Variants in DSCAM observed in about 807,000 individuals in gnomAD.
DSCAM encodes DS cell adhesion molecule, also known as cell adhesion molecule DSCAM.
In DSCAM, 47 loss-of-function variants were observed where a neutral mutation model predicts 217.7. The observed-to-expected ratio is 0.22, with a 90% confidence interval of 0.17 to 0.28. DSCAM has a LOEUF of 0.28. DSCAM is among the 10% of genes least tolerant of loss of function. The probability of loss-of-function intolerance (pLI) is 1.00; values close to 1 mark genes in which losing one functional copy is unlikely to be tolerated. For missense variants in DSCAM, 2,080 were observed against 2,618.3 expected, an observed-to-expected ratio of 0.79 and a Z score of 4.49; for synonymous variants, 1,056 against 1,015.3, an observed-to-expected ratio of 1.04 and a Z score of -0.76.
intron 32 of DSCAM, among the ~76,000 whole-genome samples, chr21:40,023,625 G>A (rs1473683160): frequency 1.1e-4 from 12 of 111,478 alleles, no homozygotes; most frequent in Admixed American, 4.0e-4. Flanking sequence ...GCCAGTGATG[G>A]TGAGCATTTT....
chr21:40,742,385 G>T (rs2091132822), intron 1 of DSCAM, among the ~76,000 whole-genome samples: 1 of 152,148 alleles, frequency 6.6e-6, no homozygotes, highest in Non-Finnish European at 1.5e-5. Flanking sequence ...GGAGAAAGGG[G>T]TCAGGAGCCA....
chr21:40,465,854 A>G (rs1333976667), intron 3 of DSCAM, among the ~76,000 whole-genome samples: 1 of 151,570 alleles, frequency 6.6e-6, no homozygotes, highest in East Asian at 1.9e-4. Context: ...TGTTCTGACA[A>G]CTTGTTTGAT....
At chr21:40,832,984 G>A (rs902634558) in intron 1 of DSCAM, among the ~76,000 whole-genome samples, 1 of 152,192 alleles carries the variant, frequency 6.6e-6, no homozygotes. Context: ...AACCTAAACT[G>A]TGTTATCAGA....
At chr21:40,597,125 C>G (rs1160984642) in intron 3 of DSCAM, among the ~76,000 whole-genome samples, 1 of 152,172 alleles carries the variant, frequency 6.6e-6, no homozygotes, top group Non-Finnish European at 1.5e-5. Flanking sequence ...TCTAATAAAA[C>G]ACACTCTCAA....
chr21:40,709,701 GGT>G lies in DSCAM; in HGVS notation c.44-932_44-931del, dbSNP rs2090757069. On this transcript the variant is annotated intron_variant, in intron 1 of 32. Transcript: ENST00000400454. Reference sequence around the variant, plus strand: ...TTTTTATGGCTGCATAGTATTCCATGGTGTGTATGTGCCACATTTTCTTTATC... The same window carrying G: ...TTTTTATGGCTGCATAGTATTCCATGGTGTATGTGCCACATTTTCTTTATC... Among the ~76,000 whole-genome samples, 7 of 152,264 alleles carry G rather than the reference GGT, an allele frequency of 4.6e-5. No individual in the cohort carries two copies. In the South Asian group the frequency reaches 1.2e-3, roughly 27 times the overall value.
At chr21:40,234,772 T>C (rs1402866424) in intron 11 of DSCAM, among the ~76,000 whole-genome samples, 3 of 152,184 alleles carry the variant, frequency 2.0e-5, no homozygotes, top group African/African-American at 7.2e-5. Context: ...TTTTTGCTGA[T>C]AGAACTTCAT....
At position 40,178,957 on chromosome 21, in the gene DSCAM, TGCTGGGCTC is replaced by T. The variant is rs1324786995; in HGVS notation, c.2908_2916del (p.Glu970_Ser972del). 1 of 1,613,884 alleles carries T rather than the reference TGCTGGGCTC, an allele frequency of 6.2e-7. No homozygotes were observed. Among genetic ancestry groups the T allele is most frequent in the African/African-American group, 1.3e-5 (1 of 74,900 alleles). ...TCGTCCGCCGTGATGGTGAGCTCGT[TGCTGGGCTC>T]GCTCTTGCCAATCCGGTTCTTGGCG... On this transcript the variant is annotated inframe_deletion, in exon 15 of 33. Transcript: ENST00000400454.
At chr21:40,072,588 T>A (rs920702489) in intron 27 of DSCAM, among the ~76,000 whole-genome samples, 3 of 152,024 alleles carry the variant, frequency 2.0e-5, no homozygotes, top group East Asian at 3.9e-4. Context: ...GACCTCGTGA[T>A]CCGCCCACCT....
chr21:40,634,691 G>C (rs999198010), intron 3 of DSCAM, among the ~76,000 whole-genome samples: 9 of 152,180 alleles, frequency 5.9e-5, no homozygotes, highest in African/African-American at 1.9e-4. Flanking sequence ...AAAGAAATGT[G>C]TGAACTTCAG....
At chr21:40,379,713 T>C (rs11910278) in intron 3 of DSCAM, among the ~76,000 whole-genome samples, 6,822 of 152,292 alleles carry the variant, frequency 0.045, 246 homozygotes, top group African/African-American at 0.1. Context: ...CCCACTTACC[T>C]GCTGCCCCCA....
At chr21:40,464,890 A>G (rs1483129498) in intron 3 of DSCAM, among the ~76,000 whole-genome samples, 1 of 151,804 alleles carries the variant, frequency 6.6e-6, no homozygotes. Context: ...ACAGGCACAC[A>G]TCACCATGCC....
chr21:40,058,032 T>C (rs10470191), intron 28 of DSCAM, among the ~76,000 whole-genome samples: 73,914 of 151,664 alleles, frequency 0.49, 19,015 homozygotes, highest in African/African-American at 0.64. Context: ...CCCACCACCA[T>C]GTCTGGCTTT....
At chr21:40,236,567 C>T (rs372997768) in intron 11 of DSCAM, among the ~76,000 whole-genome samples, 20 of 152,248 alleles carry the variant, frequency 1.3e-4, no homozygotes, top group East Asian at 5.8e-4. Context: ...GAGCACATGA[C>T]GGGTTTTGAG....
At chr21:40,318,569 G>A (rs1025127559) in intron 8 of DSCAM, among the ~76,000 whole-genome samples, 1 of 152,142 alleles carries the variant, frequency 6.6e-6, no homozygotes, top group African/African-American at 2.4e-5. Flanking sequence ...CGCCAACTCT[G>A]AATTGCTATG....
chr21:40,671,692 CAA>C (rs71330402), intron 3 of DSCAM, among the ~76,000 whole-genome samples: 19 of 108,948 alleles, frequency 1.7e-4, no homozygotes, highest in Non-Finnish European at 2.0e-4. Context: ...ATTCCTTAAA[CAA>C]AAAAAAAAAA....
chr21:40,092,869 C>T (rs559835318), intron 21 of DSCAM, among the ~76,000 whole-genome samples: 1 of 152,258 alleles, frequency 6.6e-6, no homozygotes, highest in Admixed American at 6.5e-5. Context: ...TGTGACACCC[C>T]TCTTTTTTCC....
Position 40,075,173 on chromosome 21 carries a change from T to A in DSCAM, c.4752A>T (p.Glu1584Asp), listed in dbSNP as rs1432052387. 1.2e-6 allele frequency: 2 copies of A among 1,614,198 alleles called. No individual in the cohort carries two copies. The highest frequency in any genetic ancestry group is 1.6e-4 in the Middle Eastern group (1 of 6,062). The change falls in exon 27 of 33, where the codon GAA becomes GAT. Residue 1584 changes from glutamate to aspartate, a missense_variant. Transcript: ENST00000400454. The stretch of plus-strand genomic sequence containing the variant: ...GCCCCTCGTTGGTCGTCAGCCCTTC[T>A]TCGTTTTGGACAACTGACTTAATGA... ...PPLIKSVVQN[E>D]EGLTTNEGLK...
intron 16 of DSCAM, among the ~76,000 whole-genome samples, chr21:40,160,845 C>T (rs1329425968): frequency 1.3e-5 from 2 of 152,170 alleles, no homozygotes; most frequent in Non-Finnish European, 2.9e-5. Flanking sequence ...CATCCAGACT[C>T]AACGTGAAAC....
At chr21:40,590,943 T>C (rs1025443924) in intron 3 of DSCAM, among the ~76,000 whole-genome samples, 1 of 152,104 alleles carries the variant, frequency 6.6e-6, no homozygotes, top group Non-Finnish European at 1.5e-5. Context: ...ATTGATATGG[T>C]TTGGCCGTGT....
Sources: gnomAD v4.1 joint callset for allele counts (sites outside exome capture counted in the v4.1 genomes callset) on GRCh38, gnomAD v4.1.1 for gene constraint, MANE v1.5 for transcripts, NCBI Gene and HGNC (gene_info 2026-07-23, HGNC 2026-07-21) for gene names.